Variants in LRP3 observed in about 807,000 individuals in gnomAD.
LRP3 encodes the protein LDL receptor related protein 3.
Under a neutral mutation model 58.5 loss-of-function variants are expected in LRP3, and 49 were observed. That is an observed-to-expected ratio of 0.84 (90% CI 0.67 to 1.06). LRP3 has a LOEUF of 1.06. Among genes scored for constraint, LRP3 ranks in the 50% least tolerant of loss-of-function variants. The pLI, the probability that LRP3 is intolerant of heterozygous loss-of-function variation, is 0.00. For synonymous variants in LRP3, 485 were observed against 492.2 expected, an observed-to-expected ratio of 0.99 and a Z score of 0.20; for missense variants, 1,019 against 1,134.2, an observed-to-expected ratio of 0.90 and a Z score of 1.46.
At chr19:33,197,769 G>A (rs1381984977) in intron 2 of LRP3, among the ~76,000 whole-genome samples, 1 of 152,184 alleles carries the variant, frequency 6.6e-6, no homozygotes. Context: ...GCTTGCTGGA[G>A]AAAGGACCCG....
chr19:33,205,637 G>C lies in LRP3; in HGVS notation c.867G>C (p.Gln289His). ...ACTGCACGTGGCTGGTGGACACACA[G>C]GACTCCCGGCGGGTGCTGCTGCAGC... ...DLHCTWLVDT[Q>H]DSRRVLLQLE... Residue 289 changes from glutamine to histidine, a missense_variant, in exon 5 of 7, where the codon CAG becomes CAC. Gln to His is a conservative substitution (Grantham distance 24). This residue lies in a region of LRP3 where 592 missense variants were observed against 725.5 expected (regional missense o/e 0.82). Coordinates refer to ENST00000253193, the MANE Select transcript of LRP3 (RefSeq NM_002333.4). 1.9e-6 allele frequency: 3 copies of C among 1,611,178 alleles called. No homozygotes were observed. The highest frequency in any genetic ancestry group is 2.5e-6 in the Non-Finnish European group (3 of 1,179,432).
intron 2 of LRP3, among the ~76,000 whole-genome samples, chr19:33,197,165 G>A (rs1157563774): frequency 6.6e-6 from 1 of 152,172 alleles, no homozygotes; most frequent in Non-Finnish European, 1.5e-5. Flanking sequence ...TATGACTGAG[G>A]GGTGACACAG....
At chr19:33,206,821 GCAA>G in intron 6 of LRP3, 88 bp downstream of exon 6, 1 of 1,394,370 alleles carries the variant, frequency 7.2e-7, no homozygotes, top group Non-Finnish European at 9.6e-7. Flanking sequence ...GGAGCAGGAG[GCAA>G]GGCCTGCGCA....
Position 33,196,621 on chromosome 19 carries a change from A to G in LRP3, c.74-109A>G. On this transcript the variant is annotated intron_variant, in intron 1 of 6. Coordinates refer to ENST00000253193, the MANE Select transcript of LRP3 (RefSeq NM_002333.4). ...CTCTGGGCCTTGCCCTGTAAGAGGA[A>G]GGGGACCAGCGGGCCAGCCTTGGGT... The G allele has an allele frequency of 3.0e-6, 3 of 987,316 alleles. No homozygotes were observed. The South Asian group carries it at 3.9e-5, about 13-fold the overall frequency. The allele number at this position is 987,316 out of a possible 1,614,324, so 61.2% of individuals were successfully genotyped here. A position where few individuals can be genotyped will look rare whatever the true frequency, so the allele number is the denominator to read the frequency against.
At position 33,205,583 on chromosome 19, in the gene LRP3, C is replaced by G. The variant is rs201599090; in HGVS notation, c.813C>G (p.Phe271Leu). The G allele has an allele frequency of 1.2e-6, 2 of 1,609,334 alleles. No homozygotes were observed. Among genetic ancestry groups the G allele is most frequent in the South Asian group, 1.1e-5 (1 of 90,978 alleles). Reference sequence around the variant, plus strand: ...GCTCCTTTGCCTCCCCAGACCTGTTCGGCGCCGCTCGCGGGCCCTCAGACC... The same window carrying G: ...GCTCCTTTGCCTCCCCAGACCTGTTGGGCGCCGCTCGCGGGCCCTCAGACC... Reference protein sequence around the residue: ...FYGSFASPDLFGAARGPSDLH... With the variant: ...FYGSFASPDLLGAARGPSDLH... The change falls in exon 5 of 7, where the codon TTC becomes TTG. Residue 271 changes from phenylalanine to leucine, a missense_variant. Phe to Leu is a conservative substitution (Grantham distance 22). Transcript: ENST00000253193.
rs748288353 is a variant in LRP3 at position 33,207,009 on chromosome 19, C to T, written c.1747C>T (p.Arg583Cys). Residue 583 changes from arginine to cysteine, a missense_variant, in exon 7 of 7, where the codon CGC (arginine) becomes TGC (cysteine). By Grantham distance (180) the Arg-to-Cys change is radical. This residue lies in a region of LRP3 where 427 missense variants were observed against 408.6 expected (regional missense o/e 1.04). Coordinates refer to ENST00000253193, the MANE Select transcript of LRP3 (RefSeq NM_002333.4). ...ASQASVLQNL[R>C]TAMRRQMRRH... is the part of the protein sequence containing the mutation. ...ACAGGCCTCTGTGCTGCAGAATCTTCGCACAGCCATGCGGAGACAGATGCG... is the reference window on the plus strand; with the variant it reads ...ACAGGCCTCTGTGCTGCAGAATCTTTGCACAGCCATGCGGAGACAGATGCG... 2.5e-5 allele frequency: 37 copies of T among 1,478,576 alleles called. No individual in the cohort carries two copies. The highest frequency in any genetic ancestry group is 2.4e-4 in the Middle Eastern group (1 of 4,166). The allele number at this position is 1,478,576 out of a possible 1,614,324, so 91.6% of individuals were successfully genotyped here.
At position 33,207,760 on chromosome 19, in the gene LRP3, A is replaced by G. The variant is rs1175040819; in HGVS notation, c.*185A>G. 2.1e-5 allele frequency: 12 copies of G among 563,864 alleles called. No homozygotes were observed. The highest frequency in any genetic ancestry group is 4.8e-4 in the Middle Eastern group (1 of 2,096). The allele number at this position is 563,864 out of a possible 1,614,324, so 34.9% of individuals were successfully genotyped here. A position where few individuals can be genotyped will look rare whatever the true frequency, so the allele number is the denominator to read the frequency against. ...GCTGTGGGACTGAACGGCGGGGGGG[A>G]GAAGAGTGGAGTGGTGAGCCCGTCT... is the stretch of plus-strand genomic sequence containing the variant. On this transcript the variant is annotated 3_prime_UTR_variant, in exon 7 of 7. Transcript: ENST00000253193.
At chr19:33,195,689 A>G (rs1316294142) in intron 1 of LRP3, among the ~76,000 whole-genome samples, 1 of 152,176 alleles carries the variant, frequency 6.6e-6, no homozygotes, top group East Asian at 1.9e-4. Flanking sequence ...GGGAGCTCCG[A>G]GGCTCTGGCA....
chr19:33,202,855 CA>C lies in LRP3; in HGVS notation c.130del (p.Ser44ValfsTer40). On this transcript the variant is annotated frameshift_variant, in exon 3 of 7. Coordinates refer to ENST00000253193, the MANE Select transcript of LRP3 (RefSeq NM_002333.4). LOFTEE classifies it high-confidence loss of function. ...SSAVPALAAC[S>X]GKLEQHTERR... Reference sequence around the variant, plus strand: ...GGCCTCCTCTCCCGACAGCGGCCTGCAGTGGGAAGCTGGAGCAGCACACGGA... The same window carrying C: ...GGCCTCCTCTCCCGACAGCGGCCTGCGTGGGAAGCTGGAGCAGCACACGGA... 6.2e-7 allele frequency: 1 copy of C among 1,609,376 alleles called. No individual in the cohort carries two copies. The highest frequency in any genetic ancestry group is 8.5e-7 in the Non-Finnish European group (1 of 1,177,858).
chr19:33,206,810 A>G (rs1199944744), intron 6 of LRP3, 77 bp downstream of exon 6: 51 of 1,429,208 alleles, frequency 3.6e-5, no homozygotes, highest in Non-Finnish European at 4.4e-5. Flanking sequence ...CAGGGGTCAC[A>G]GGAGCAGGAG....
chr19:33,204,819 C>A lies in LRP3; in HGVS notation c.442C>A (p.Gln148Lys). ...CCACTCAGACGCCTCCAGCTCCGGC[C>A]AGGCCCAGGGCTTCCGTCTGTCTTA... ...FFHSDASSSG[Q>K]AQGFRLSYIR... Residue 148 changes from glutamine to lysine, a missense_variant, in exon 4 of 7, where the codon CAG (glutamine) becomes AAG (lysine). This residue lies in a region of LRP3 where 592 missense variants were observed against 725.5 expected (regional missense o/e 0.82). Transcript: ENST00000253193. 1 of 1,613,648 alleles carries A rather than the reference C, an allele frequency of 6.2e-7. No individual in the cohort carries two copies. The highest frequency in any genetic ancestry group is 1.1e-5 in the South Asian group (1 of 91,090).
At chr19:33,197,975 C>A (rs1181440227) in intron 2 of LRP3, among the ~76,000 whole-genome samples, 3 of 152,184 alleles carry the variant, frequency 2.0e-5, no homozygotes, top group Non-Finnish European at 4.4e-5. Flanking sequence ...GCTGACCTAG[C>A]CCCAGCCCTG....
At chr19:33,200,029 AG>A (rs1339353357) in intron 2 of LRP3, among the ~76,000 whole-genome samples, 1 of 152,156 alleles carries the variant, frequency 6.6e-6, no homozygotes, top group Non-Finnish European at 1.5e-5. Flanking sequence ...GGGACCTCAC[AG>A]GTTTTTACCC....
In LRP3 at chr19:33,205,329, A is replaced by G. The variant is rs1974388936; in HGVS notation, c.559A>G (p.Thr187Ala). ...KCLPGPWQCN[T>A]VDECGDGSDE... ...CCTGCCCGGCCCGTGGCAGTGCAAC[A>G]CGGTGGACGAGTGTGGAGACGGCTC... The change falls in exon 5 of 7, where the codon ACG becomes GCG. Residue 187 changes from threonine (T) to alanine (A), a missense_variant. Physicochemically the swap from Thr to Ala is moderately conservative, Grantham distance 58. Transcript: ENST00000253193. 1 of 1,611,756 alleles carries G rather than the reference A, an allele frequency of 6.2e-7. No homozygotes were observed. Among genetic ancestry groups the G allele is most frequent in the Middle Eastern group, 1.7e-4 (1 of 6,056 alleles).
intron 2 of LRP3, 71 bp downstream of exon 2, chr19:33,196,848 C>A (rs1171161997): frequency 3.0e-6 from 4 of 1,350,860 alleles, no homozygotes; most frequent in African/African-American, 1.4e-5. Context: ...TGAAGACAGG[C>A]CTTCAGGGTC....
intron 2 of LRP3, among the ~76,000 whole-genome samples, chr19:33,200,385 C>T (rs1974329553): frequency 1.1e-5 from 1 of 88,760 alleles, no homozygotes; most frequent in South Asian, 4.5e-4. Flanking sequence ...ACGCCCAGTA[C>T]CACGCCTGGC....
intron 3 of LRP3, 139 bp downstream of exon 3, chr19:33,203,125 G>T: frequency 1.0e-5 from 11 of 1,086,430 alleles, no homozygotes; most frequent in Non-Finnish European, 1.3e-5. Flanking sequence ...GGGATCATGT[G>T]CATGTGTGTG....
chr19:33,204,387 T>G (rs1599935967), intron 3 of LRP3: 2 of 553,132 alleles, frequency 3.6e-6, no homozygotes, highest in Admixed American at 3.2e-5. Context: ...GCAGCAGAGC[T>G]GGAAATGACC....
At chr19:33,201,698 C>A (rs1052476391) in intron 2 of LRP3, among the ~76,000 whole-genome samples, 1 of 152,088 alleles carries the variant, frequency 6.6e-6, no homozygotes, top group African/African-American at 2.4e-5. Context: ...ATGGGCCCTG[C>A]CTTCATCTCA....
Sources: allele counts gnomAD v4.1 joint callset (sites outside exome capture counted in the v4.1 genomes callset), GRCh38; gene constraint gnomAD v4.1.1; regional missense constraint gnomAD v4.1.1; transcripts MANE v1.5; gene names NCBI Gene and HGNC (gene_info 2026-07-23, HGNC 2026-07-21).